The following YIPF3 variants were observed in gnomAD, a reference collection of about 807,000 sequenced individuals.
YIPF3 encodes the protein protein YIPF3.
Under a neutral mutation model 40.3 loss-of-function variants are expected in YIPF3, and 18 were observed. The ratio of observed to expected loss-of-function variants is 0.45; its 90% CI spans 0.31 to 0.66. YIPF3 has a LOEUF of 0.66. Among genes scored for constraint, YIPF3 ranks in the 30% least tolerant of loss-of-function variants. The pLI, the probability that YIPF3 is intolerant of heterozygous loss-of-function variation, is 0.07. For missense variants in YIPF3, 406 were observed against 452.2 expected (o/e 0.90, Z 0.93); for synonymous variants, 190 against 179.6 (o/e 1.06, Z -0.46).
In YIPF3 at chr6:43,516,828, G is replaced by T. The variant is rs1281855559; in HGVS notation, c.-21C>A. The T allele has an allele frequency of 6.4e-7, 1 of 1,559,188 alleles. No individual in the cohort carries two copies. Among genetic ancestry groups the T allele is most frequent in the Middle Eastern group, 1.7e-4 (1 of 5,998 alleles). On this transcript the variant is annotated 5_prime_UTR_variant, in exon 1 of 9. Transcript: ENST00000372422. ...GCCATGTCCCTTGAGGGCTCCCGTC[G>T]CTGAAACCCGCGCTAGCCCCGCGCG...
chr6:43,512,817 G>A lies in YIPF3; in HGVS notation c.724C>T (p.His242Tyr), dbSNP rs1363586940. The change falls in exon 7 of 9, where the codon CAC (histidine) becomes TAC (tyrosine). Residue 242 changes from histidine (H) to tyrosine (Y), a missense_variant. Coordinates refer to ENST00000372422, the MANE Select transcript of YIPF3 (RefSeq NM_015388.4). ...AGCCAGAAGAGGTAGAAGAGGGCGT[G>A]GAGGTGGATATTATAGGTGATGAAC... Reference protein sequence around the residue: ...VLFITYNIHLHALFYLFWLLV... With the variant: ...VLFITYNIHLYALFYLFWLLV... 6.2e-7 allele frequency: 1 copy of A among 1,614,114 alleles called. No homozygotes were observed. The highest frequency in any genetic ancestry group is 8.5e-7 in the Non-Finnish European group (1 of 1,180,028).
rs774774287 is a variant in YIPF3 at position 43,512,886 on chromosome 6, G to T, written c.667-12C>A. On this transcript the variant is annotated splice_polypyrimidine_tract_variant and intron_variant, in intron 6 of 8. Transcript: ENST00000372422. ...AAGAGGCCATAGCCCTGGGAAGGAG[G>T]ATGGTGGAGAGGAAAATCATTCAGG... The T allele has an allele frequency of 6.2e-7, 1 of 1,611,600 alleles. No homozygotes were observed. Among genetic ancestry groups the T allele is most frequent in the Admixed American group, 1.7e-5 (1 of 59,742 alleles).
chr6:43,516,259 C>T (rs1285617342), intron 1 of YIPF3, 164 bp from the exon 2 acceptor site: 2 of 1,423,394 alleles, frequency 1.4e-6, no homozygotes, highest in African/African-American at 2.9e-5. Flanking sequence ...CTCAGAACGC[C>T]TGGTTTCTAG....
In YIPF3 at chr6:43,513,630, G is replaced by A; in HGVS notation, c.399C>T (p.Leu133=). ...TCTTGATAGGGATCATGGACTCCAG[G>A]AGCCTGGGAGAGGAGAGGAGAGATT... is the stretch of plus-strand genomic sequence containing the variant. ...DVEPAQVRSR[L]LESMIPIKMV... is the part of the protein sequence containing the mutation. Residue 133 remains leucine, a synonymous_variant, in exon 4 of 9, where the codon CTC becomes CTT. Transcript: ENST00000372422. 6.4e-7 allele frequency: 1 copy of A among 1,558,906 alleles called. No homozygotes were observed. The highest frequency in any genetic ancestry group is 8.7e-7 in the Non-Finnish European group (1 of 1,153,086).
intron 2 of YIPF3, 74 bp from the exon 3 acceptor site, chr6:43,515,775 T>C (rs951451503): frequency 1.2e-6 from 2 of 1,606,666 alleles, no homozygotes; most frequent in South Asian, 2.2e-5. Flanking sequence ...TTCCGTTTGA[T>C]TTCTACATGG....
Position 43,515,933 on chromosome 6 carries a change from T to C in YIPF3, c.244A>G (p.Met82Val), listed in dbSNP as rs752379080. The C allele has an allele frequency of 1.2e-6, 2 of 1,612,504 alleles. No individual in the cohort carries two copies. Among genetic ancestry groups the C allele is most frequent in the South Asian group, 2.2e-5 (2 of 90,982 alleles). The change falls in exon 2 of 9, where the codon ATG becomes GTG. Residue 82 changes from methionine to valine, a missense_variant. By Grantham distance (21) the Met-to-Val change is conservative. Coordinates refer to ENST00000372422, the MANE Select transcript of YIPF3 (RefSeq NM_015388.4). Reference sequence around the variant, plus strand: ...CTCAGCTGTCCCTTAAAGCCCTTCATGCCCAGGAACTCTCCATCCTCCTCT... The same window carrying C: ...CTCAGCTGTCCCTTAAAGCCCTTCACGCCCAGGAACTCTCCATCCTCCTCT... ...AEEEDGEFLG[M>V]KGFKGQLSRQ...
rs1474085647 is a variant in YIPF3, at chr6:43,513,353, G to T, written c.534+6C>A. Reference sequence around the variant, plus strand: ...CCACCCCCCCAAAGTTGTCTGTCCTGCTTACGATAATAGTGTCAGACGTCT... The same window carrying T: ...CCACCCCCCCAAAGTTGTCTGTCCTTCTTACGATAATAGTGTCAGACGTCT... On this transcript the variant is annotated splice_donor_region_variant and intron_variant, in intron 5 of 8. Coordinates refer to ENST00000372422, the MANE Select transcript of YIPF3 (RefSeq NM_015388.4). The T allele has an allele frequency of 1.2e-6, 2 of 1,614,018 alleles. No individual in the cohort carries two copies. Among genetic ancestry groups the T allele is most frequent in the Non-Finnish European group, 1.7e-6 (2 of 1,179,998 alleles).
intron 1 of YIPF3, chr6:43,516,344 G>A (rs1433265827): frequency 3.4e-6 from 3 of 872,822 alleles, no homozygotes; most frequent in Non-Finnish European, 3.4e-6. Context: ...ACCTATCAAA[G>A]ACTAAAAGGC....
intron 3 of YIPF3, among the ~76,000 whole-genome samples, chr6:43,514,192 G>A (rs183400420): frequency 6.6e-6 from 1 of 152,224 alleles, no homozygotes; most frequent in East Asian, 1.9e-4. Context: ...AGTGAACCGA[G>A]ATCGCGCCAC....
In YIPF3 at chr6:43,516,791, G is replaced by T; in HGVS notation, c.17C>A (p.Ala6Glu). The change falls in exon 1 of 9, where the codon GCG (alanine) becomes GAG (glutamate). Residue 6 changes from alanine to glutamate, a missense_variant. Physicochemically the swap from Ala to Glu is moderately radical, Grantham distance 107 (BLOSUM62 -1). Transcript: ENST00000372422. ...TCCATTTCGGGCGCCGCCCGCCGGC[G>T]CCGCTGTAGTTGCCATGTCCCTTGA... MATTA[A>E]PAGGARNGAG... is the part of the protein sequence containing the mutation. 1.9e-6 allele frequency: 3 copies of T among 1,581,702 alleles called. No homozygotes were observed. In the South Asian group the frequency reaches 3.4e-5, roughly 18 times the overall value.
chr6:43,513,580 C>T lies in YIPF3; in HGVS notation c.441+8G>A. 1 of 1,587,220 alleles carries T rather than the reference C, an allele frequency of 6.3e-7. No homozygotes were observed. The highest frequency in any genetic ancestry group is 2.2e-5 in the East Asian group (1 of 44,706). On this transcript the variant is annotated splice_region_variant and intron_variant, in intron 4 of 8. Coordinates refer to ENST00000372422, the MANE Select transcript of YIPF3 (RefSeq NM_015388.4). The stretch of plus-strand genomic sequence containing the variant: ...CCCGGCTCTCCAGACATGCCACCCT[C>T]TATTCACCTGGGGGAAGTTGACCAT...
chr6:43,515,276 G>A (rs759900176), intron 3 of YIPF3: 26 of 480,730 alleles, frequency 5.4e-5, no homozygotes, highest in South Asian at 4.0e-4. Context: ...CCAGGCGTGA[G>A]CCACCATGCC....
In YIPF3 at chr6:43,511,926, G is replaced by A. The variant is rs1792676028; in HGVS notation, c.*241C>T. 1.8e-6 allele frequency: 1 copy of A among 548,736 alleles called. No homozygotes were observed. Among genetic ancestry groups the A allele is most frequent in the Non-Finnish European group, 3.2e-6 (1 of 316,992 alleles). 34.0% of individuals were successfully genotyped at this position (548,736 alleles called of 1,614,324 possible). A position where few individuals can be genotyped will look rare whatever the true frequency, so the allele number is the denominator to read the frequency against. ...GGAAGGAAGGGGTAGGTGGGGAGGG[G>A]TTCTCAAAGGAGCTGACCCATTTTC... On this transcript the variant is annotated 3_prime_UTR_variant, in exon 9 of 9. Transcript: ENST00000372422.
intron 1 of YIPF3, 187 bp downstream of exon 1, chr6:43,516,540 A>C: frequency 1.5e-6 from 1 of 674,052 alleles, no homozygotes; most frequent in Non-Finnish European, 2.4e-6. Context: ...CGAGATCCTC[A>C]GGCTGGAGTA....
intron 1 of YIPF3, chr6:43,516,359 A>G: frequency 1.3e-6 from 1 of 776,314 alleles, no homozygotes. Flanking sequence ...AAAGGCTGAA[A>G]AAGTGCCCAT....
At position 43,512,839 on chromosome 6, in the gene YIPF3, G is replaced by A; in HGVS notation, c.702C>T (p.Phe234=). ...CGTGGAGGTGGATATTATAGGTGAT[G>A]AACAGGACAATGCAATGCCCAAAGA... is the stretch of plus-strand genomic sequence containing the variant. ...YGLFGHCIVL[F]ITYNIHLHAL... is the part of the protein sequence containing the mutation. Residue 234 remains phenylalanine, a synonymous_variant, in exon 7 of 9, where the codon TTC becomes TTT. Coordinates refer to ENST00000372422, the MANE Select transcript of YIPF3 (RefSeq NM_015388.4). 1 of 1,614,090 alleles carries A rather than the reference G, an allele frequency of 6.2e-7. No individual in the cohort carries two copies. The highest frequency in any genetic ancestry group is 8.5e-7 in the Non-Finnish European group (1 of 1,180,022).
Position 43,512,049 on chromosome 6 carries a change from C to T in YIPF3, c.*118G>A. ...CATCAAGGAGGTACTTACGCAGCTA[C>T]AGCTCAGTGGCAGCTGCAAACCCCA... On this transcript the variant is annotated 3_prime_UTR_variant, in exon 9 of 9. Transcript: ENST00000372422. The T allele has an allele frequency of 6.7e-7, 1 of 1,487,006 alleles. No homozygotes were observed. The highest frequency in any genetic ancestry group is 9.1e-7 in the Non-Finnish European group (1 of 1,096,070). The allele number at this position is 1,487,006 out of a possible 1,614,324, so 92.1% of individuals were successfully genotyped here.
In YIPF3 at chr6:43,516,887, G is replaced by A. The variant is rs1792855902; in HGVS notation, c.-80C>T. On this transcript the variant is annotated 5_prime_UTR_variant, in exon 1 of 9. Coordinates refer to ENST00000372422, the MANE Select transcript of YIPF3 (RefSeq NM_015388.4). The stretch of plus-strand genomic sequence containing the variant: ...GCAAGATGTGGGCCTCCGGAAGGTA[G>A]ACGTCCAGGGTCGAGGAGAGGTGGG... The A allele has an allele frequency of 6.8e-7, 1 of 1,470,118 alleles. No homozygotes were observed. Among genetic ancestry groups the A allele is most frequent in the South Asian group, 1.2e-5 (1 of 82,662 alleles). The allele number at this position is 1,470,118 out of a possible 1,614,324, so 91.1% of individuals were successfully genotyped here.
Position 43,515,585 on chromosome 6 carries a change from G to A in YIPF3, c.395+10C>T, listed in dbSNP as rs777143171. 6.2e-7 allele frequency: 1 copy of A among 1,613,070 alleles called. No individual in the cohort carries two copies. On this transcript the variant is annotated intron_variant, in intron 3 of 8. Coordinates refer to ENST00000372422, the MANE Select transcript of YIPF3 (RefSeq NM_015388.4). ...TAGGAGGGAAGCTTCTTCAAGAGAA[G>A]GCTCCTCACCTGCTTCGCACCTGAG...
Sources: gnomAD v4.1 joint callset for allele counts (sites outside exome capture counted in the v4.1 genomes callset) on GRCh38, gnomAD v4.1.1 for gene constraint, MANE v1.5 for transcripts, NCBI Gene and HGNC (gene_info 2026-07-23, HGNC 2026-07-21) for gene names.